The following LRP1 variants were observed in gnomAD, a reference collection of about 807,000 sequenced individuals.
LRP1 encodes LDL receptor related protein 1.
Under a neutral mutation model 541.5 loss-of-function variants are expected in LRP1, and 51 were observed. That is an observed-to-expected ratio of 0.09 (90% CI 0.08 to 0.12). The LOEUF (loss-of-function observed/expected upper bound fraction) is 0.12. Ranked by LOEUF, LRP1 falls within the 10% of genes least tolerant of loss-of-function variation. The pLI, the probability that LRP1 is intolerant of heterozygous loss-of-function variation, is 1.00. For missense variants in LRP1, 3,878 were observed against 6,376.2 expected (o/e 0.61, Z 13.34); for synonymous variants, 2,219 against 2,470.8 (o/e 0.90, Z 3.02).
At position 57,211,264 on chromosome 12, in the gene LRP1, G is replaced by A; in HGVS notation, c.13005G>A (p.Glu4335=). The change falls in exon 84 of 89, where the codon GAG becomes GAA. Residue 4335 remains glutamate, a synonymous_variant. Coordinates refer to ENST00000243077, the MANE Select transcript of LRP1 (RefSeq NM_002332.3). The surrounding 1 kb of genome is among the most constrained non-coding windows in gnomAD (Gnocchi z 4.3). ...SRQCRCTAYF[E]GSRCEVNKCS... is the part of the protein sequence containing the mutation. ...AATGCCGCTGCACTGCCTACTTTGA[G>A]GGATCGAGGTGTGAGGTGAACAAGT... 1.2e-6 allele frequency: 2 copies of A among 1,614,230 alleles called. No homozygotes were observed. Among genetic ancestry groups the A allele is most frequent in the Non-Finnish European group, 1.7e-6 (2 of 1,180,048 alleles).
In LRP1 at chr12:57,162,406, T is replaced by C. The variant is rs749865156; in HGVS notation, c.2292T>C (p.Ser764=). 23 of 1,614,158 alleles carry C rather than the reference T, an allele frequency of 1.4e-5. No homozygotes were observed. Among genetic ancestry groups the C allele is most frequent in the Non-Finnish European group, 1.9e-5 (22 of 1,180,034 alleles). ...YLFWTEYRSG[S]VYRLERGVGG... is the part of the protein sequence containing the mutation. Reference sequence around the variant, plus strand: ...TCTGGACTGAGTATCGGAGTGGCAGTGTCTACCGCTTGGAACGGGGTGTAG... The same window carrying C: ...TCTGGACTGAGTATCGGAGTGGCAGCGTCTACCGCTTGGAACGGGGTGTAG... The change falls in exon 14 of 89, where the codon AGT becomes AGC. Residue 764 remains serine, a synonymous_variant. Transcript: ENST00000243077. This position sits in a 1 kb window ranked among gnomAD's most constrained non-coding sequence, Gnocchi z 5.2.
chr12:57,212,013 C>T lies in LRP1; in HGVS notation c.13345C>T (p.Gln4449Ter). The T allele has an allele frequency of 6.2e-7, 1 of 1,614,068 alleles. No homozygotes were observed. Among genetic ancestry groups the T allele is most frequent in the Non-Finnish European group, 8.5e-7 (1 of 1,179,988 alleles). The change falls in exon 87 of 89, where the codon CAA (glutamine) becomes TAA (stop). Residue 4449 changes from glutamine to a stop codon, truncating the protein, a stop_gained. Coordinates refer to ENST00000243077, the MANE Select transcript of LRP1 (RefSeq NM_002332.3). LOFTEE classifies it high-confidence loss of function. The surrounding 1 kb of genome is among the most constrained non-coding windows in gnomAD (Gnocchi z 5.0). ...GGTATTCTGGTATAAGCGGCGAGTC[C>T]AAGGGTGAGTCACAGGGATTCTGGA... ...GVVFWYKRRV[Q>*]GAKGFQHQRM...
Position 57,195,047 on chromosome 12 carries a change from C to T in LRP1, c.8254C>T (p.Leu2752=), listed in dbSNP as rs372256969. The change falls in exon 51 of 89, where the codon CTG becomes TTG. Residue 2752 remains leucine, a synonymous_variant. Transcript: ENST00000243077. ...QNHRCISKQW[L]CDGSDDCGDG... is the part of the protein sequence containing the mutation. ...CCATCGCTGCATCTCCAAGCAGTGG[C>T]TGTGTGACGGCAGCGATGACTGTGG... The T allele has an allele frequency of 1.3e-5, 21 of 1,613,958 alleles. No homozygotes were observed. In the African/African-American group the frequency reaches 2.4e-4, roughly 18 times the overall value.
chr12:57,196,163 C>T lies in LRP1; in HGVS notation c.8778C>T (p.Gly2926=), dbSNP rs759318890. The change falls in exon 55 of 89, where the codon GGC becomes GGT. Residue 2926 remains glycine, a synonymous_variant. Coordinates refer to ENST00000243077, the MANE Select transcript of LRP1 (RefSeq NM_002332.3). ...TGGCTGAGGCACTGCTCTGCAACGGCCAGGATGACTGTGGCGACAGCTCGG... is the reference window on the plus strand; with the variant it reads ...TGGCTGAGGCACTGCTCTGCAACGGTCAGGATGACTGTGGCGACAGCTCGG... ...RCVAEALLCN[G]QDDCGDSSDE... is the part of the protein sequence containing the mutation. 3 of 1,612,948 alleles carry T rather than the reference C, an allele frequency of 1.9e-6. No homozygotes were observed. Among genetic ancestry groups the T allele is most frequent in the African/African-American group, 2.7e-5 (2 of 75,040 alleles).
At chr12:57,199,780 G>A in intron 61 of LRP1, 97 bp from the exon 62 acceptor site, 1 of 1,419,064 alleles carries the variant, frequency 7.0e-7, no homozygotes, top group Non-Finnish European at 9.5e-7. Context: ...AAGAGGCAGG[G>A]TTCAGACCCA....
Position 57,198,528 on chromosome 12 carries a change from C to T in LRP1, c.9534C>T (p.Ser3178=), listed in dbSNP as rs776722878. Residue 3178 remains serine, a synonymous_variant, in exon 60 of 89, where the codon TCC becomes TCT. Transcript: ENST00000243077. Reference sequence around the variant, plus strand: ...TCGGCCGCATCGGCATGGATGGGTCCAGCCGCAGCGTCATCGTGGACACCA... The same window carrying T: ...TCGGCCGCATCGGCATGGATGGGTCTAGCCGCAGCGTCATCGTGGACACCA... ...SLIGRIGMDG[S]SRSVIVDTKI... The T allele has an allele frequency of 3.1e-5, 50 of 1,613,962 alleles. 1 individual carries two copies. In the Middle Eastern group the frequency reaches 1.6e-3, roughly 53 times the overall value.
Position 57,183,580 on chromosome 12 carries a change from A to T in LRP1, c.5794+70A>T. The T allele has an allele frequency of 6.4e-7, 1 of 1,551,302 alleles. No homozygotes were observed. Among genetic ancestry groups the T allele is most frequent in the East Asian group, 2.3e-5 (1 of 42,766 alleles). On this transcript the variant is annotated intron_variant, in intron 35 of 88. Coordinates refer to ENST00000243077, the MANE Select transcript of LRP1 (RefSeq NM_002332.3). The surrounding 1 kb of genome is among the most constrained non-coding windows in gnomAD (Gnocchi z 6.1). ...TTTAGGGGTGGTGTGGTGTGCCCTG[A>T]GGGTCCAGTGAGAGGCTGCCTGAAT...
intron 6 of LRP1, chr12:57,147,672 C>T (rs975476530): frequency 2.0e-5 from 3 of 152,250 alleles, no homozygotes; most frequent in South Asian, 4.1e-4. Context: ...GAGGCCAGCC[C>T]GCTGGTGCAG....
At chr12:57,191,912 C>CCGCACACACAATACATACACCACATAG (rs2036406113) in intron 44 of LRP1, among the ~76,000 whole-genome samples, 1 of 49,632 alleles carries the variant, frequency 2.0e-5, no homozygotes, top group African/African-American at 1.2e-4. Context: ...ACACACACCA[C>CCGCACACACAATACATACACCACATAG]CACACACACT....
intron 10 of LRP1, among the ~76,000 whole-genome samples, chr12:57,157,140 C>A (rs1266394733): frequency 6.6e-6 from 1 of 152,228 alleles, no homozygotes; most frequent in African/African-American, 2.4e-5. Context: ...TAAACTGATT[C>A]ATTCAGCAAG....
At chr12:57,144,272 T>A (rs1370300033) in intron 4 of LRP1, among the ~76,000 whole-genome samples, 1 of 152,232 alleles carries the variant, frequency 6.6e-6, no homozygotes, top group Admixed American at 6.5e-5. Context: ...TTATTTTCAA[T>A]GTTTTTCACT....
Position 57,177,361 on chromosome 12 carries a change from G to A in LRP1, c.4197-66G>A, listed in dbSNP as rs1418322859. On this transcript the variant is annotated intron_variant, in intron 25 of 88. Transcript: ENST00000243077. This position sits in a 1 kb window ranked among gnomAD's most constrained non-coding sequence, Gnocchi z 6.8. ...CTGCCTCCTCCCACCCTCTACCTAC[G>A]ATCCCACCACAGTCGCTCCCTGAGG... is the stretch of plus-strand genomic sequence containing the variant. The A allele has an allele frequency of 8.3e-6, 13 of 1,560,096 alleles. No homozygotes were observed. The highest frequency in any genetic ancestry group is 2.3e-5 in the East Asian group (1 of 44,428).
At chr12:57,200,336 C>T (rs1368080407) in intron 62 of LRP1, 106 bp from the exon 63 acceptor site, 1 of 766,724 alleles carries the variant, frequency 1.3e-6, no homozygotes, top group East Asian at 2.7e-5. Flanking sequence ...CCCATAACAC[C>T]CTGACCCCTG....
At position 57,156,753 on chromosome 12, in the gene LRP1, A is replaced by C; in HGVS notation, c.1418-24A>C. 6.3e-7 allele frequency: 1 copy of C among 1,592,808 alleles called. No individual in the cohort carries two copies. The highest frequency in any genetic ancestry group is 8.6e-7 in the Non-Finnish European group (1 of 1,165,140). On this transcript the variant is annotated intron_variant, in intron 9 of 88. Coordinates refer to ENST00000243077, the MANE Select transcript of LRP1 (RefSeq NM_002332.3). This position sits in a 1 kb window ranked among gnomAD's most constrained non-coding sequence, Gnocchi z 5.2. Reference sequence around the variant, plus strand: ...TGGCACAGGGGCTCTGAGGGGTCCTAACAGCTCTTCACCCTGCCCCCAGTG... The same window carrying C: ...TGGCACAGGGGCTCTGAGGGGTCCTCACAGCTCTTCACCCTGCCCCCAGTG...
chr12:57,210,191 C>T (rs1328741745), intron 81 of LRP1, 22 bp downstream of exon 81: 1 of 1,573,440 alleles, frequency 6.4e-7, no homozygotes, highest in African/African-American at 1.3e-5. Flanking sequence ...CCCTCCCAGT[C>T]CCAGCCATGC....
chr12:57,175,419 C>T lies in LRP1; in HGVS notation c.3548-41C>T, dbSNP rs1407824197. ...GGGCCGTGGTCTTGCCTCCTCTCAGCTTCTGACCCTGGGTCTGTTCCATGC... is the reference window on the plus strand; with the variant it reads ...GGGCCGTGGTCTTGCCTCCTCTCAGTTTCTGACCCTGGGTCTGTTCCATGC... On this transcript the variant is annotated intron_variant, in intron 22 of 88. Coordinates refer to ENST00000243077, the MANE Select transcript of LRP1 (RefSeq NM_002332.3). 3 of 1,608,152 alleles carry T rather than the reference C, an allele frequency of 1.9e-6. No individual in the cohort carries two copies. The African/African-American group carries it at 4.0e-5, about 21-fold the overall frequency.
rs763622500 is a variant in LRP1, at chr12:57,178,346, A to G, written c.4362-13A>G. On this transcript the variant is annotated splice_polypyrimidine_tract_variant and intron_variant, in intron 26 of 88. Transcript: ENST00000243077. The surrounding 1 kb of genome is among the most constrained non-coding windows in gnomAD (Gnocchi z 5.8). Reference sequence around the variant, plus strand: ...CCAGCTGGCATCCTCATTCTGCTCCATCATGCTCTTAGGTCAGATGCCATT... The same window carrying G: ...CCAGCTGGCATCCTCATTCTGCTCCGTCATGCTCTTAGGTCAGATGCCATT... 4 of 1,609,234 alleles carry G rather than the reference A, an allele frequency of 2.5e-6. No homozygotes were observed. Among genetic ancestry groups the G allele is most frequent in the Non-Finnish European group, 3.4e-6 (4 of 1,176,426 alleles).
Position 57,156,314 on chromosome 12 carries a change from T to G in LRP1, c.1417+31T>G. ...CAGGGCTCCATGGCCCCTCCAAAGC[T>G]GGCTTTACCCCATGATGGCTCTGGG... is the stretch of plus-strand genomic sequence containing the variant. On this transcript the variant is annotated intron_variant, in intron 9 of 88. Transcript: ENST00000243077. This position sits in a 1 kb window ranked among gnomAD's most constrained non-coding sequence, Gnocchi z 5.2. The G allele has an allele frequency of 7.5e-6, 12 of 1,608,968 alleles. No individual in the cohort carries two copies. The highest frequency in any genetic ancestry group is 1.1e-5 in the South Asian group (1 of 90,504).
Position 57,178,348 on chromosome 12 carries a change from C to T in LRP1, c.4362-11C>T. The T allele has an allele frequency of 6.2e-7, 1 of 1,609,504 alleles. No homozygotes were observed. Among genetic ancestry groups the T allele is most frequent in the East Asian group, 2.2e-5 (1 of 44,830 alleles). ...AGCTGGCATCCTCATTCTGCTCCAT[C>T]ATGCTCTTAGGTCAGATGCCATTTA... is the stretch of plus-strand genomic sequence containing the variant. On this transcript the variant is annotated splice_polypyrimidine_tract_variant and intron_variant, in intron 26 of 88. Transcript: ENST00000243077. The surrounding 1 kb of genome is among the most constrained non-coding windows in gnomAD (Gnocchi z 5.8).
Sources: allele counts gnomAD v4.1 joint callset (sites outside exome capture counted in the v4.1 genomes callset), GRCh38; gene constraint gnomAD v4.1.1; non-coding constraint Gnocchi (gnomAD v3.1); transcripts MANE v1.5; gene names NCBI Gene and HGNC (gene_info 2026-07-23, HGNC 2026-07-21).